SARS2: variants seen among roughly 807,000 people sequenced by gnomAD.
SARS2 encodes the protein seryl-tRNA synthetase 2, mitochondrial.
In SARS2, 52 loss-of-function variants were observed where a neutral mutation model predicts 66.8. That is an observed-to-expected ratio of 0.78 (90% CI 0.62 to 0.98). The LOEUF is 0.98. Ranked by LOEUF, SARS2 falls within the 50% of genes least tolerant of loss-of-function variation. The pLI is 0.00. For missense variants in SARS2, 673 were observed against 706.3 expected, an observed-to-expected ratio of 0.95 and a Z score of 0.53; for synonymous variants, 306 against 281.4, an observed-to-expected ratio of 1.09 and a Z score of -0.87.
At chr19:38,922,054 A>G in intron 3 of SARS2, 184 bp downstream of exon 3, 5 of 1,561,548 alleles carry the variant, frequency 3.2e-6, no homozygotes, top group Non-Finnish European at 3.5e-6. Context: ...CCAAATATGG[A>G]GCCAGCACCT....
intron 1 of SARS2, among the ~76,000 whole-genome samples, chr19:38,929,562 CAAAAA>C: frequency 8.8e-6 from 1 of 113,958 alleles, no homozygotes; most frequent in Non-Finnish European, 1.9e-5. Context: ...CACCCTATCT[CAAAAA>C]AAAAAAAAAA....
intron 11 of SARS2, 43 bp downstream of exon 11, chr19:38,917,878 G>A: frequency 6.2e-7 from 1 of 1,613,274 alleles, no homozygotes; most frequent in South Asian, 1.1e-5. Context: ...AGCTCTTGGG[G>A]TGGCCCCCCA....
At chr19:38,915,962 A>G in intron 14 of SARS2, 56 bp from the exon 15 acceptor site, 1 of 1,612,540 alleles carries the variant, frequency 6.2e-7, no homozygotes, top group East Asian at 2.2e-5. Flanking sequence ...CCCGGGGAGG[A>G]GCCAAGGTGG....
chr19:38,921,084 T>TAC (rs1307012207), intron 5 of SARS2, among the ~76,000 whole-genome samples: 7 of 149,172 alleles, frequency 4.7e-5, no homozygotes, highest in Non-Finnish European at 7.4e-5. Context: ...GACACACAGA[T>TAC]ACAGACACAC....
In SARS2 at chr19:38,926,304, G is replaced by C. The variant is rs1487155780; in HGVS notation, c.268-4C>G. ...TCAGCTCCTGCCATGTCGAGATCTG[G>C]GGTGGATATAAGAGAAAAGGAGATG... On this transcript the variant is annotated splice_polypyrimidine_tract_variant and splice_region_variant and intron_variant, in intron 1 of 15. Coordinates refer to ENST00000221431, the MANE Select transcript of SARS2 (RefSeq NM_017827.4). The C allele has an allele frequency of 1.9e-6, 3 of 1,602,832 alleles. No homozygotes were observed. Among genetic ancestry groups the C allele is most frequent in the South Asian group, 1.1e-5 (1 of 91,082 alleles).
At chr19:38,929,230 C>T (rs1974684326) in intron 1 of SARS2, among the ~76,000 whole-genome samples, 1 of 151,344 alleles carries the variant, frequency 6.6e-6, no homozygotes, top group African/African-American at 2.4e-5. Context: ...AGACTGTGAA[C>T]TCAGATCATG....
intron 2 of SARS2, among the ~76,000 whole-genome samples, chr19:38,922,641 T>C (rs1344916650): frequency 6.6e-6 from 1 of 152,118 alleles, no homozygotes; most frequent in East Asian, 1.9e-4. Flanking sequence ...ATTCCACCTG[T>C]TGAGGAAGGG....
At position 38,917,948 on chromosome 19, in the gene SARS2, C is replaced by T. The variant is rs772820923; in HGVS notation, c.1023G>A (p.Gly341=). ...AETNTGQEPR[G]LYRVHHFTKV... ...TGGTGAAGTGGTGTACTCGATACAGCCCCCGGGGTTCCTGTCCCGTGTTTG... is the reference window on the plus strand; with the variant it reads ...TGGTGAAGTGGTGTACTCGATACAGTCCCCGGGGTTCCTGTCCCGTGTTTG... Residue 341 remains glycine, a synonymous_variant, in exon 11 of 16, where the codon GGG becomes GGA. Coordinates refer to ENST00000221431, the MANE Select transcript of SARS2 (RefSeq NM_017827.4). 5 of 1,609,394 alleles carry T rather than the reference C, an allele frequency of 3.1e-6. No homozygotes were observed. In the Admixed American group the frequency reaches 6.8e-5, roughly 22 times the overall value.
At chr19:38,919,533 G>A (rs1273953325) in intron 7 of SARS2, among the ~76,000 whole-genome samples, 1 of 152,218 alleles carries the variant, frequency 6.6e-6, no homozygotes, top group Non-Finnish European at 1.5e-5. Context: ...TGAGACCTTG[G>A]GCTATAGGTA....
chr19:38,919,641 C>T (rs1974481091), intron 7 of SARS2, 121 bp downstream of exon 7: 1 of 784,736 alleles, frequency 1.3e-6, no homozygotes, highest in Non-Finnish European at 2.3e-6. Flanking sequence ...GTCAATGATA[C>T]ACATGAAGCT....
chr19:38,921,215 C>T (rs1974528265), intron 5 of SARS2, among the ~76,000 whole-genome samples, 177 bp downstream of exon 5: 2 of 152,304 alleles, frequency 1.3e-5, no homozygotes, highest in Non-Finnish European at 1.5e-5. Context: ...AACCCAAGGA[C>T]CGCCTCTCAG....
Position 38,917,774 on chromosome 19 carries a change from C to A in SARS2, c.1110G>T (p.Glu370Asp), listed in dbSNP as rs1039731743. The A allele has an allele frequency of 4.3e-6, 7 of 1,611,240 alleles. No homozygotes were observed. The highest frequency in any genetic ancestry group is 5.9e-6 in the Non-Finnish European group (7 of 1,178,204). Residue 370 changes from glutamate (E) to aspartate (D), a missense_variant, in exon 12 of 16, where the codon GAG becomes GAT. Physicochemically the swap from Glu to Asp is conservative, Grantham distance 45. Coordinates refer to ENST00000221431, the MANE Select transcript of SARS2 (RefSeq NM_017827.4). ...AGATCTCCATCTGAAGGGACAGGAA[C>A]TCCTCCAGCAGCTGTGAGCTCTGCT... ...GLEQSSQLLE[E>D]FLSLQMEILT...
chr19:38,919,271 A>G (rs1344565499), intron 7 of SARS2, among the ~76,000 whole-genome samples: 2 of 152,254 alleles, frequency 1.3e-5, no homozygotes, highest in Admixed American at 6.5e-5. Context: ...TGGGTGACAG[A>G]GCGAGACTCC....
chr19:38,918,829 G>T lies in SARS2; in HGVS notation c.760-16C>A. ...GGGTGAAGCCCTGTTCAGGGGAGAG[G>T]ATGAGTGAGCAGAGCTGGGACCCCT... is the stretch of plus-strand genomic sequence containing the variant. On this transcript the variant is annotated splice_polypyrimidine_tract_variant and intron_variant, in intron 7 of 15. Transcript: ENST00000221431. 1 of 1,557,076 alleles carries T rather than the reference G, an allele frequency of 6.4e-7. No homozygotes were observed. The highest frequency in any genetic ancestry group is 8.7e-7 in the Non-Finnish European group (1 of 1,149,506).
intron 2 of SARS2, among the ~76,000 whole-genome samples, chr19:38,925,759 G>A (rs1974615719): frequency 6.6e-6 from 1 of 152,126 alleles, no homozygotes; most frequent in Non-Finnish European, 1.5e-5. Context: ...TCAGCCCTAG[G>A]GATGCCAGGG....
At chr19:38,926,158 A>T in intron 2 of SARS2, 47 bp downstream of exon 2, 1 of 1,475,412 alleles carries the variant, frequency 6.8e-7, no homozygotes, top group East Asian at 2.3e-5. Flanking sequence ...CTGTGTCTAG[A>T]GACACCCTCG....
chr19:38,920,438 A>G (rs1011670827), intron 5 of SARS2, among the ~76,000 whole-genome samples: 2 of 151,850 alleles, frequency 1.3e-5, no homozygotes, highest in Non-Finnish European at 2.9e-5. Context: ...GAGAGAGGCC[A>G]GAGGAGAAGG....
Position 38,915,849 on chromosome 19 carries a change from G to A in SARS2, c.1405C>T (p.Gln469Ter), listed in dbSNP as rs746027656. 15 of 1,613,664 alleles carry A rather than the reference G, an allele frequency of 9.3e-6. No individual in the cohort carries two copies. Among genetic ancestry groups the A allele is most frequent in the African/African-American group, 2.7e-5 (2 of 74,936 alleles). Residue 469 changes from glutamine to a stop codon, truncating the protein, a stop_gained, in exon 15 of 16, where the codon CAG (glutamine) becomes TAG (stop). Coordinates refer to ENST00000221431, the MANE Select transcript of SARS2 (RefSeq NM_017827.4). LOFTEE classifies it high-confidence loss of function. ...RLLIALLESN[Q>*]QKDGSVLVPP... ...GCCCCTCAGCCCCTCACCTTCTGCT[G>A]GTTACTCTCCAGGAGCGCGATGAGA...
In SARS2 at chr19:38,930,649, G is replaced by A; in HGVS notation, c.88C>T (p.Pro30Ser). ...PRGGCISNDS[P>S]RRSFTTEKRN... Reference sequence around the variant, plus strand: ...TTCTCTGTAGTGAAACTTCTCCTTGGACTATCGTTGGAGATGCAGCCTCCC... The same window carrying A: ...TTCTCTGTAGTGAAACTTCTCCTTGAACTATCGTTGGAGATGCAGCCTCCC... The change falls in exon 1 of 16, where the codon CCA becomes TCA. Residue 30 changes from proline (P) to serine (S), a missense_variant. By Grantham distance (74) the Pro-to-Ser change is moderately conservative (BLOSUM62 -1). Coordinates refer to ENST00000221431, the MANE Select transcript of SARS2 (RefSeq NM_017827.4). 1 of 1,614,130 alleles carries A rather than the reference G, an allele frequency of 6.2e-7. No individual in the cohort carries two copies. The highest frequency in any genetic ancestry group is 1.3e-5 in the African/African-American group (1 of 75,060).
Sources: allele counts gnomAD v4.1 joint callset (sites outside exome capture counted in the v4.1 genomes callset), GRCh38; gene constraint gnomAD v4.1.1; transcripts MANE v1.5; gene names NCBI Gene and HGNC (gene_info 2026-07-23, HGNC 2026-07-21).